PPFIBP1: variants seen among roughly 807,000 people sequenced by gnomAD.
PPFIBP1 encodes the protein PPFIB scaffold protein 1.
PPFIBP1 carries 112 observed loss-of-function variants against 137.8 expected under a neutral mutation model. That is an observed-to-expected ratio of 0.81 (90% CI 0.70 to 0.95). PPFIBP1 has a LOEUF of 0.95. PPFIBP1 is among the 40% of genes least tolerant of loss of function. The pLI is 0.00. For synonymous variants in PPFIBP1, 378 were observed against 417.3 expected (o/e 0.91, Z 1.15); for missense variants, 1,083 against 1,196.6 (o/e 0.91, Z 1.40).
At chr12:27,655,547 A>T (rs2059147160) in intron 8 of PPFIBP1, among the ~76,000 whole-genome samples, 2 of 152,240 alleles carry the variant, frequency 1.3e-5, no homozygotes, top group South Asian at 2.1e-4. Flanking sequence ...TCTGTTTCGT[A>T]TCCACAGTAG....
intron 11 of PPFIBP1, among the ~76,000 whole-genome samples, chr12:27,663,588 C>G (rs1565967033): frequency 6.6e-6 from 1 of 152,166 alleles, no homozygotes; most frequent in Non-Finnish European, 1.5e-5. Context: ...CGCCTGTAAT[C>G]CCAGCACTTC....
Position 27,607,537 on chromosome 12 carries a change from A to G in PPFIBP1, c.-35-25825A>G, listed in dbSNP as rs1409074171. On this transcript the variant is annotated intron_variant, in intron 2 of 29. Transcript: ENST00000228425. ...TCACCTGGAGGACTTGTTAAAATAC[A>G]GATTTCTGGGTCCCATACTCAAAGT... Among the ~76,000 whole-genome samples, 3 of 152,208 alleles carry G rather than the reference A, an allele frequency of 2.0e-5. No homozygotes were observed. In the East Asian group the frequency reaches 5.8e-4, roughly 29 times the overall value.
chr12:27,594,116 G>T, intron 2 of PPFIBP1: 1 of 825,642 alleles, frequency 1.2e-6, no homozygotes, highest in East Asian at 3.3e-5. Flanking sequence ...AAAGTAGGTG[G>T]GACCGGGGAG....
At chr12:27,555,590 T>G (rs1036209184) in intron 1 of PPFIBP1, among the ~76,000 whole-genome samples, 2 of 152,358 alleles carry the variant, frequency 1.3e-5, no homozygotes, top group Non-Finnish European at 2.9e-5. Flanking sequence ...TCATAAATCA[T>G]GATTGAAAGC....
intron 13 of PPFIBP1, among the ~76,000 whole-genome samples, chr12:27,669,258 C>T (rs983093281): frequency 7.2e-5 from 11 of 152,102 alleles, no homozygotes; most frequent in African/African-American, 2.7e-4. Flanking sequence ...TGAAATATTT[C>T]ATTAATCAAG....
intron 2 of PPFIBP1, among the ~76,000 whole-genome samples, chr12:27,581,186 C>T (rs1020553967): frequency 6.6e-6 from 1 of 152,184 alleles, no homozygotes; most frequent in Non-Finnish European, 1.5e-5. Context: ...TGAGCCACTG[C>T]TCCCAGCTGT....
At chr12:27,594,179 T>TG (rs947237856) in intron 2 of PPFIBP1, 1 of 311,754 alleles carries the variant, frequency 3.2e-6, no homozygotes, top group African/African-American at 2.3e-5. Context: ...TTTCTATTTT[T>TG]TTTTTTTTTT....
chr12:27,538,416 G>A (rs1399492514), intron 1 of PPFIBP1: 1 of 152,190 alleles, frequency 6.6e-6, no homozygotes, highest in East Asian at 1.9e-4. Flanking sequence ...CTTGTTATTT[G>A]AAATTGTACT....
Position 27,576,379 on chromosome 12 carries a change from C to T in PPFIBP1, c.-123-1773C>T, listed in dbSNP as rs1293380548. Among the ~76,000 whole-genome samples, 14 of 152,250 alleles carry T rather than the reference C, an allele frequency of 9.2e-5. No individual in the cohort carries two copies. The South Asian group carries it at 2.5e-3, about 27-fold the overall frequency. ...GGGAAGTGACTGACTTGCAGAAACCCGCCATGTCTTGTTCTCTGCTGGAGA... is the reference window on the plus strand; with the variant it reads ...GGGAAGTGACTGACTTGCAGAAACCTGCCATGTCTTGTTCTCTGCTGGAGA... On this transcript the variant is annotated intron_variant, in intron 1 of 29. Transcript: ENST00000228425.
chr12:27,654,242 A>G (rs1159811389), intron 7 of PPFIBP1: 1 of 152,242 alleles, frequency 6.6e-6, no homozygotes, highest in Non-Finnish European at 1.5e-5. Flanking sequence ...CGAGCAATCC[A>G]TATTTTTGTG....
intron 2 of PPFIBP1, among the ~76,000 whole-genome samples, chr12:27,609,542 T>A (rs766138599): frequency 1.3e-5 from 2 of 152,222 alleles, no homozygotes; most frequent in Non-Finnish European, 2.9e-5. Flanking sequence ...CCACATCTTC[T>A]CGGGATCCCT....
chr12:27,578,481 C>T (rs1261448819), intron 2 of PPFIBP1, among the ~76,000 whole-genome samples: 1 of 152,156 alleles, frequency 6.6e-6, no homozygotes, highest in African/African-American at 2.4e-5. Flanking sequence ...AGCAAATCTT[C>T]ATTTGGCACT....
rs374860106 is a variant in PPFIBP1, at chr12:27,548,447, G to A, written c.-124+24082G>A. 3.3e-5 allele frequency: 5 copies of A among 152,306 alleles called. No homozygotes were observed. The South Asian group carries it at 1.0e-3, about 32-fold the overall frequency. 9.4% of individuals were successfully genotyped at this position (152,306 alleles called of 1,614,324 possible). A position where few individuals can be genotyped will look rare whatever the true frequency, so the allele number is the denominator to read the frequency against. ...TAGGAGTTAAATTGCCAAAGGATAAGTCAATATGCTTTGGCGGGGGTAGGG... is the reference window on the plus strand; with the variant it reads ...TAGGAGTTAAATTGCCAAAGGATAAATCAATATGCTTTGGCGGGGGTAGGG... On this transcript the variant is annotated intron_variant, in intron 1 of 29. Coordinates refer to ENST00000228425, the MANE Select transcript of PPFIBP1 (RefSeq NM_003622.4).
At chr12:27,640,905 A>C (rs2058070025) in intron 4 of PPFIBP1, among the ~76,000 whole-genome samples, 1 of 152,162 alleles carries the variant, frequency 6.6e-6, no homozygotes, top group Non-Finnish European at 1.5e-5. Context: ...CTGAGTACAA[A>C]ATGCTGTCAT....
At chr12:27,571,083 T>C (rs2050102916) in intron 1 of PPFIBP1, among the ~76,000 whole-genome samples, 1 of 152,168 alleles carries the variant, frequency 6.6e-6, no homozygotes, top group African/African-American at 2.4e-5. Context: ...TCCTGACTTT[T>C]ATGTGTGTGT....
intron 1 of PPFIBP1, among the ~76,000 whole-genome samples, chr12:27,569,272 A>G (rs567684013): frequency 2.9e-4 from 44 of 151,774 alleles, no homozygotes; most frequent in African/African-American, 9.4e-4. Flanking sequence ...TTCAGTATGT[A>G]TATTTATTAT....
intron 1 of PPFIBP1, among the ~76,000 whole-genome samples, chr12:27,541,759 T>C (rs910391173): frequency 1.3e-5 from 2 of 152,354 alleles, no homozygotes; most frequent in Admixed American, 1.3e-4. Context: ...CTCAACCTTA[T>C]GAGCTTAAAT....
intron 2 of PPFIBP1, chr12:27,593,398 A>C: frequency 6.6e-6 from 3 of 454,440 alleles, no homozygotes; most frequent in South Asian, 1.6e-5. Flanking sequence ...CTCTGTGCTC[A>C]CCTCAGCCAG....
intron 4 of PPFIBP1, among the ~76,000 whole-genome samples, chr12:27,645,473 G>A (rs1275817611): frequency 2.0e-5 from 3 of 152,138 alleles, no homozygotes; most frequent in Admixed American, 1.3e-4. Context: ...GCAGGAGGGA[G>A]GGGAAGAAAT....
Sources: allele counts gnomAD v4.1 joint callset (sites outside exome capture counted in the v4.1 genomes callset), GRCh38; gene constraint gnomAD v4.1.1; transcripts MANE v1.5; gene names NCBI Gene and HGNC (gene_info 2026-07-23, HGNC 2026-07-21).